AGBL4: variants seen among roughly 807,000 people sequenced by gnomAD.
AGBL4 encodes the protein cytosolic carboxypeptidase 6.
AGBL4 carries 58 observed loss-of-function variants against 66.4 expected under a neutral mutation model. That is an observed-to-expected ratio of 0.87 (90% CI 0.71 to 1.09). AGBL4 has a LOEUF of 1.09. AGBL4 is among the 50% of genes least tolerant of loss of function. The pLI is 0.00. For missense variants in AGBL4, 579 were observed against 631.0 expected, an observed-to-expected ratio of 0.92 and a Z score of 0.88; for synonymous variants, 234 against 222.9, an observed-to-expected ratio of 1.05 and a Z score of -0.44.
chr1:49,570,505 A>C (rs935375675), intron 3 of AGBL4, among the ~76,000 whole-genome samples: 1 of 151,990 alleles, frequency 6.6e-6, no homozygotes, highest in African/African-American at 2.4e-5. Flanking sequence ...TGTTAGATGC[A>C]TTATTTCCAA....
intron 5 of AGBL4, among the ~76,000 whole-genome samples, chr1:48,962,143 T>C (rs1015659064): frequency 9.7e-5 from 14 of 144,010 alleles, no homozygotes; most frequent in Admixed American, 3.4e-4. Context: ...CCATCCATCA[T>C]CCATCCAACA....
At chr1:49,350,091 A>G (rs1346967361) in intron 3 of AGBL4, among the ~76,000 whole-genome samples, 1 of 151,658 alleles carries the variant, frequency 6.6e-6, no homozygotes, top group Non-Finnish European at 1.5e-5. Context: ...CAGGAAACAT[A>G]TTTGTTTTGT....
intron 3 of AGBL4, among the ~76,000 whole-genome samples, chr1:49,437,960 T>G (rs995553012): frequency 3.3e-5 from 5 of 152,174 alleles, no homozygotes; most frequent in Non-Finnish European, 7.3e-5. Flanking sequence ...CAATTGGATT[T>G]TATTTAATAT....
intron 11 of AGBL4, among the ~76,000 whole-genome samples, chr1:48,553,269 C>T (rs1644275685): frequency 6.6e-6 from 1 of 152,174 alleles, no homozygotes; most frequent in Admixed American, 6.5e-5. Context: ...TGCAGTTCAA[C>T]CTGAGAGGGG....
chr1:49,837,982 G>A (rs1177344327), intron 2 of AGBL4, among the ~76,000 whole-genome samples: 1 of 152,200 alleles, frequency 6.6e-6, no homozygotes, highest in Non-Finnish European at 1.5e-5. Flanking sequence ...GGGAATCAAT[G>A]AGAAAGGTTT....
intron 3 of AGBL4, among the ~76,000 whole-genome samples, chr1:49,687,795 A>T (rs1406792829): frequency 1.3e-5 from 2 of 152,196 alleles, no homozygotes; most frequent in Non-Finnish European, 2.9e-5. Context: ...AAAAAAAATT[A>T]AAAAAATACA....
intron 11 of AGBL4, among the ~76,000 whole-genome samples, chr1:48,555,233 C>A (rs1644304622): frequency 6.6e-6 from 1 of 151,358 alleles, no homozygotes. Context: ...ACAAGTTAGT[C>A]AACAATTAAT....
chr1:49,898,781 G>A (rs530412118), intron 1 of AGBL4, among the ~76,000 whole-genome samples: 2 of 152,108 alleles, frequency 1.3e-5, no homozygotes, highest in Non-Finnish European at 2.9e-5. Flanking sequence ...GTACTATCCA[G>A]CCATAAAAAA....
At chr1:49,279,028 T>C (rs171334) in intron 3 of AGBL4, among the ~76,000 whole-genome samples, 1 of 152,092 alleles carries the variant, frequency 6.6e-6, no homozygotes, top group South Asian at 2.1e-4. Context: ...AAGCTGAGAA[T>C]TGGAATAGAT....
chr1:49,354,419 A>G (rs1389312700), intron 3 of AGBL4, among the ~76,000 whole-genome samples: 1 of 152,174 alleles, frequency 6.6e-6, no homozygotes, highest in Middle Eastern at 3.2e-3. Context: ...CTCTTAACTC[A>G]TTGCTCACTC....
At chr1:49,981,409 T>G (rs1479642769) in intron 1 of AGBL4, among the ~76,000 whole-genome samples, 1 of 152,184 alleles carries the variant, frequency 6.6e-6, no homozygotes, top group African/African-American at 2.4e-5. Context: ...AAAGTGTGTA[T>G]GTACCATTTT....
chr1:49,379,333 T>G (rs1336754386), intron 3 of AGBL4, among the ~76,000 whole-genome samples: 1 of 152,186 alleles, frequency 6.6e-6, no homozygotes, highest in Non-Finnish European at 1.5e-5. Flanking sequence ...ATTAGATAGA[T>G]GCTTTCTTAA....
At chr1:48,647,657 T>C (rs887006449) in intron 8 of AGBL4, 3 of 433,874 alleles carry the variant, frequency 6.9e-6, no homozygotes, top group African/African-American at 4.1e-5. Context: ...TGTACGGAGA[T>C]GGAAAGTCTG....
chr1:49,172,329 A>G (rs1171682067), intron 4 of AGBL4, among the ~76,000 whole-genome samples: 1 of 152,232 alleles, frequency 6.6e-6, no homozygotes, highest in Non-Finnish European at 1.5e-5. Flanking sequence ...ACAGTGGTAA[A>G]TGCTAGAGCA....
At chr1:49,302,257 C>CTT (rs1207769008) in intron 3 of AGBL4, among the ~76,000 whole-genome samples, 2 of 147,182 alleles carry the variant, frequency 1.4e-5, no homozygotes, top group Non-Finnish European at 1.5e-5. Flanking sequence ...TTCACATGCA[C>CTT]TTTTTTTTTT....
chr1:49,673,234 T>C (rs10888665), intron 3 of AGBL4, among the ~76,000 whole-genome samples: 103,801 of 152,012 alleles, frequency 0.68, 36,152 homozygotes, highest in African/African-American at 0.77. Flanking sequence ...CAAAAATCAA[T>C]AAATTTCTTA....
chr1:49,257,847 C>A (rs1652685302), intron 3 of AGBL4, among the ~76,000 whole-genome samples: 2 of 152,132 alleles, frequency 1.3e-5, no homozygotes, highest in Admixed American at 6.5e-5. Flanking sequence ...TGAGAACAGG[C>A]AGACTGCCTC....
intron 4 of AGBL4, among the ~76,000 whole-genome samples, chr1:49,134,652 C>T: frequency 6.6e-6 from 1 of 151,492 alleles, no homozygotes; most frequent in Non-Finnish European, 1.5e-5. Flanking sequence ...CTCCCTTGTT[C>T]CCTGAACGTT....
chr1:49,499,256 C>A (rs756751897), intron 3 of AGBL4, among the ~76,000 whole-genome samples: 29 of 151,934 alleles, frequency 1.9e-4, no homozygotes, highest in Non-Finnish European at 8.8e-5. Context: ...TTCAGATTTT[C>A]TATTTCTTCA....
Sources: gnomAD v4.1 joint callset for allele counts (sites outside exome capture counted in the v4.1 genomes callset) on GRCh38, gnomAD v4.1.1 for gene constraint, MANE v1.5 for transcripts, NCBI Gene and HGNC (gene_info 2026-07-23, HGNC 2026-07-21) for gene names.